The following CHRM3 variants were observed in gnomAD, a reference collection of about 807,000 sequenced individuals.
The protein encoded by CHRM3 is cholinergic receptor muscarinic 3.
Under a neutral mutation model 41.8 loss-of-function variants are expected in CHRM3, and 11 were observed. That is an observed-to-expected ratio of 0.26 (90% CI 0.17 to 0.44). The LOEUF is 0.44. CHRM3 is among the 20% of genes least tolerant of loss of function. The pLI, the probability that CHRM3 is intolerant of heterozygous loss-of-function variation, is 1.00. For missense variants in CHRM3, 571 were observed against 745.4 expected, an observed-to-expected ratio of 0.77 and a Z score of 2.72; for synonymous variants, 297 against 301.4, an observed-to-expected ratio of 0.99 and a Z score of 0.15.
intron 6 of CHRM3, among the ~76,000 whole-genome samples, chr1:239,836,288 G>C (rs900201609): frequency 1.9e-4 from 29 of 152,212 alleles, no homozygotes; most frequent in African/African-American, 6.8e-4. Context: ...TGTAGCTTGA[G>C]AGGAGGTGTG....
chr1:239,777,547 T>G (rs1295927809), intron 5 of CHRM3, among the ~76,000 whole-genome samples: 2 of 152,150 alleles, frequency 1.3e-5, no homozygotes, highest in Non-Finnish European at 2.9e-5. Flanking sequence ...TCTAGGTAAA[T>G]AAACATTAAG....
intron 2 of CHRM3, among the ~76,000 whole-genome samples, chr1:239,534,683 C>T (rs547439375): frequency 5.3e-5 from 8 of 152,250 alleles, no homozygotes; most frequent in African/African-American, 1.9e-4. Context: ...TTTGAATCAT[C>T]AATTTTCTTA....
intron 3 of CHRM3, chr1:239,629,208 G>C (rs138389249): frequency 0.23 from 33,508 of 142,878 alleles, 4,212 homozygotes; most frequent in South Asian, 0.26. Flanking sequence ...CTCGTGGTGC[G>C]CCGTTTCTTA....
chr1:239,730,840 C>CAG (rs145367533), intron 5 of CHRM3, among the ~76,000 whole-genome samples: 5 of 150,384 alleles, frequency 3.3e-5, no homozygotes, highest in South Asian at 4.2e-4. Context: ...GGAAAGAAGG[C>CAG]AGAGAGAGAG....
intron 1 of CHRM3, among the ~76,000 whole-genome samples, chr1:239,400,058 C>T (rs1659837284): frequency 6.6e-6 from 1 of 152,080 alleles, no homozygotes. Context: ...ATTACAGGTG[C>T]CTGCCACCAT....
chr1:239,775,716 A>G (rs1022536756), intron 5 of CHRM3, among the ~76,000 whole-genome samples: 3 of 152,218 alleles, frequency 2.0e-5, no homozygotes, highest in Non-Finnish European at 4.4e-5. Flanking sequence ...ACACACTAGA[A>G]TGTGGCATAT....
intron 1 of CHRM3, among the ~76,000 whole-genome samples, chr1:239,454,519 C>T (rs1460174476): frequency 6.7e-6 from 1 of 150,356 alleles, no homozygotes; most frequent in African/African-American, 2.5e-5. Context: ...GTGAGTGATT[C>T]AACCATTGGC....
At chr1:239,454,319 T>G (rs1009979409) in intron 1 of CHRM3, among the ~76,000 whole-genome samples, 1 of 152,170 alleles carries the variant, frequency 6.6e-6, no homozygotes. Context: ...GCTTTGCTTA[T>G]GCTTACCCAT....
chr1:239,577,023 A>T (rs2148567848), intron 3 of CHRM3, among the ~76,000 whole-genome samples: 1 of 152,326 alleles, frequency 6.6e-6, no homozygotes, highest in Admixed American at 6.5e-5. Context: ...AACACTTCAG[A>T]ATTTTCTAGA....
chr1:239,571,254 T>C (rs980497020), intron 3 of CHRM3, among the ~76,000 whole-genome samples: 7 of 152,206 alleles, frequency 4.6e-5, no homozygotes, highest in African/African-American at 1.7e-4. Context: ...ACCAGCTTGT[T>C]AGGGCCTGGC....
intron 3 of CHRM3, among the ~76,000 whole-genome samples, chr1:239,601,598 CA>C (rs1665546088): frequency 6.6e-6 from 1 of 151,712 alleles, no homozygotes; most frequent in African/African-American, 2.4e-5. Context: ...ACAAATTAAC[CA>C]CTCTGAACCT....
intron 3 of CHRM3, among the ~76,000 whole-genome samples, chr1:239,605,281 A>C (rs181269880): frequency 6.6e-6 from 1 of 152,270 alleles, no homozygotes; most frequent in Non-Finnish European, 1.5e-5. Context: ...TGGTATTTTT[A>C]CTGTATCTTT....
intron 2 of CHRM3, among the ~76,000 whole-genome samples, chr1:239,507,085 T>C (rs1205493568): frequency 6.6e-6 from 1 of 152,168 alleles, no homozygotes; most frequent in Non-Finnish European, 1.5e-5. Context: ...TTGCGTTGTT[T>C]TTGATGGGAC....
At chr1:239,759,921 T>TTTA (rs929790011) in intron 5 of CHRM3, among the ~76,000 whole-genome samples, 1 of 152,136 alleles carries the variant, frequency 6.6e-6, no homozygotes, top group Non-Finnish European at 1.5e-5. Flanking sequence ...TTTTTATTTA[T>TTTA]TTATTTTTTT....
intron 4 of CHRM3, among the ~76,000 whole-genome samples, chr1:239,633,499 T>G (rs1012720573): frequency 6.6e-6 from 1 of 152,048 alleles, no homozygotes; most frequent in African/African-American, 2.4e-5. Flanking sequence ...ATCACTACCC[T>G]CTTCGTTCCT....
At chr1:239,428,520 G>A (rs1662574008) in intron 1 of CHRM3, among the ~76,000 whole-genome samples, 4 of 152,164 alleles carry the variant, frequency 2.6e-5, no homozygotes, top group Non-Finnish European at 5.9e-5. Flanking sequence ...ATATAGCACA[G>A]GGAACATTAC....
chr1:239,842,434 C>T (rs959161794), intron 6 of CHRM3, among the ~76,000 whole-genome samples: 1 of 152,070 alleles, frequency 6.6e-6, no homozygotes, highest in Admixed American at 6.6e-5. Flanking sequence ...GGGGTTTCAC[C>T]ATGATGGCCA....
At chr1:239,478,480 TA>T (rs1158717601) in intron 1 of CHRM3, among the ~76,000 whole-genome samples, 2 of 152,186 alleles carry the variant, frequency 1.3e-5, no homozygotes, top group Admixed American at 1.3e-4. Context: ...AAAAAAAATT[TA>T]AATAACTATA....
chr1:239,441,676 T>G (rs1169731806), intron 1 of CHRM3, among the ~76,000 whole-genome samples: 2 of 152,198 alleles, frequency 1.3e-5, no homozygotes, highest in Non-Finnish European at 2.9e-5. Flanking sequence ...TGTGATAAAA[T>G]AAGGCACTGA....
Sources: allele counts gnomAD v4.1 joint callset (sites outside exome capture counted in the v4.1 genomes callset), GRCh38; gene constraint gnomAD v4.1.1; transcripts MANE v1.5; gene names NCBI Gene and HGNC (gene_info 2026-07-23, HGNC 2026-07-21).